Variants in ENTHD1 observed in about 807,000 individuals in gnomAD.
The protein encoded by ENTHD1 is ENTH domain containing 1.
Under a neutral mutation model 39.1 loss-of-function variants are expected in ENTHD1, and 23 were observed. That is an observed-to-expected ratio of 0.59 (90% CI 0.42 to 0.83). The LOEUF (loss-of-function observed/expected upper bound fraction) is 0.83. Ranked by LOEUF, ENTHD1 falls within the 40% of genes least tolerant of loss-of-function variation. The probability of loss-of-function intolerance (pLI) is 0.00; values close to 1 mark genes in which losing one functional copy is unlikely to be tolerated. For missense variants in ENTHD1, 624 were observed against 705.4 expected (o/e 0.88, Z 1.31); for synonymous variants, 230 against 258.2 (o/e 0.89, Z 1.05).
chr22:39,802,604 C>T (rs2065607686), intron 5 of ENTHD1, among the ~76,000 whole-genome samples: 1 of 152,140 alleles, frequency 6.6e-6, no homozygotes, highest in Non-Finnish European at 1.5e-5. Context: ...TTTCTATGAC[C>T]CACCTTGGGG....
intron 2 of ENTHD1, among the ~76,000 whole-genome samples, chr22:39,876,514 T>TA (rs137946): frequency 0.11 from 11,306 of 105,686 alleles, 625 homozygotes; most frequent in South Asian, 0.15. Flanking sequence ...ACGGGTCATC[T>TA]AAAAAAAAAA....
intron 5 of ENTHD1, among the ~76,000 whole-genome samples, chr22:39,814,272 A>T: frequency 6.7e-6 from 1 of 149,406 alleles, no homozygotes; most frequent in Non-Finnish European, 1.5e-5. Flanking sequence ...CAGCCTAGGC[A>T]ACATGGCAAA....
At chr22:39,784,612 A>T (rs1407169414) in intron 5 of ENTHD1, among the ~76,000 whole-genome samples, 1 of 151,418 alleles carries the variant, frequency 6.6e-6, no homozygotes, top group Non-Finnish European at 1.5e-5. Context: ...AAGAGAATGA[A>T]ATCTTGTCAT....
At chr22:39,821,836 C>T (rs534903507) in intron 4 of ENTHD1, among the ~76,000 whole-genome samples, 2 of 152,280 alleles carry the variant, frequency 1.3e-5, no homozygotes, top group Non-Finnish European at 2.9e-5. Context: ...TATAACCTCT[C>T]ATGGCAGAAG....
intron 2 of ENTHD1, among the ~76,000 whole-genome samples, chr22:39,864,755 G>A (rs1385337606): frequency 6.6e-6 from 1 of 152,120 alleles, no homozygotes. Flanking sequence ...AGCTGGGCAC[G>A]GTGGTGCACA....
intron 5 of ENTHD1, among the ~76,000 whole-genome samples, chr22:39,789,333 G>C (rs2065485476): frequency 6.6e-6 from 1 of 151,810 alleles, no homozygotes; most frequent in South Asian, 2.1e-4. Context: ...CAAATACACT[G>C]AAAAAAATTT....
intron 6 of ENTHD1, among the ~76,000 whole-genome samples, chr22:39,751,557 C>T (rs1420784195): frequency 6.6e-6 from 1 of 152,136 alleles, no homozygotes; most frequent in Non-Finnish European, 1.5e-5. Flanking sequence ...TGAACACATA[C>T]TTTGAATAAT....
chr22:39,836,945 A>C (rs978057838), intron 3 of ENTHD1, among the ~76,000 whole-genome samples: 4 of 152,118 alleles, frequency 2.6e-5, no homozygotes, highest in African/African-American at 9.7e-5. Context: ...CCATAAACCA[A>C]TTAAACCTCT....
At chr22:39,846,969 G>C (rs374021753) in intron 3 of ENTHD1, among the ~76,000 whole-genome samples, 1 of 151,556 alleles carries the variant, frequency 6.6e-6, no homozygotes, top group Non-Finnish European at 1.5e-5. Flanking sequence ...GTTCAACCAT[G>C]GTGGAAGTCA....
At chr22:39,829,749 C>A (rs779091178) in intron 4 of ENTHD1, among the ~76,000 whole-genome samples, 1 of 151,456 alleles carries the variant, frequency 6.6e-6, no homozygotes, top group Non-Finnish European at 1.5e-5. Context: ...CGAGATCATG[C>A]CAGTGCACTT....
At chr22:39,859,560 G>A (rs1489961283) in intron 3 of ENTHD1, among the ~76,000 whole-genome samples, 1 of 152,096 alleles carries the variant, frequency 6.6e-6, no homozygotes, top group African/African-American at 2.4e-5. Context: ...TGACCCTCAG[G>A]GACTAGGGAG....
chr22:39,866,989 G>A (rs2066187687), intron 2 of ENTHD1, among the ~76,000 whole-genome samples: 1 of 151,896 alleles, frequency 6.6e-6, no homozygotes, highest in South Asian at 2.1e-4. Flanking sequence ...CGCCAGCTCT[G>A]CCTCCTGGGT....
intron 6 of ENTHD1, among the ~76,000 whole-genome samples, chr22:39,763,888 G>A (rs1187270611): frequency 2.0e-5 from 3 of 152,018 alleles, no homozygotes; most frequent in South Asian, 2.1e-4. Flanking sequence ...ACTTCCCAGC[G>A]ACAGCCAGGC....
At chr22:39,890,637 T>A (rs1270827470) in intron 1 of ENTHD1, among the ~76,000 whole-genome samples, 1 of 152,238 alleles carries the variant, frequency 6.6e-6, no homozygotes, top group East Asian at 1.9e-4. Flanking sequence ...TTTTAAAAAC[T>A]GTTTTCTTAA....
intron 5 of ENTHD1, among the ~76,000 whole-genome samples, chr22:39,797,438 C>G (rs1179756340): frequency 2.6e-5 from 4 of 152,002 alleles, no homozygotes; most frequent in Admixed American, 6.6e-5. Flanking sequence ...ATTCTTTGTT[C>G]CTTTCTCTCA....
chr22:39,874,596 T>C (rs2066271420), intron 2 of ENTHD1: 1 of 152,134 alleles, frequency 6.6e-6, no homozygotes, highest in Admixed American at 6.5e-5. Context: ...GCTTGTAGGA[T>C]GGCAGAAAAT....
intron 2 of ENTHD1, among the ~76,000 whole-genome samples, chr22:39,864,496 ATAT>A (rs2066168919): frequency 6.6e-6 from 1 of 152,058 alleles, no homozygotes; most frequent in African/African-American, 2.4e-5. Flanking sequence ...TCATTACCTA[ATAT>A]TATATATTTA....
At chr22:39,810,181 C>G (rs1164159425) in intron 5 of ENTHD1, among the ~76,000 whole-genome samples, 4 of 152,132 alleles carry the variant, frequency 2.6e-5, no homozygotes, top group African/African-American at 9.7e-5. Context: ...TAAGCCTCCC[C>G]TAGAGGTACC....
intron 6 of ENTHD1, among the ~76,000 whole-genome samples, chr22:39,756,431 T>C (rs905520977): frequency 2.0e-5 from 3 of 151,788 alleles, no homozygotes; most frequent in Non-Finnish European, 4.4e-5. Flanking sequence ...GCCTCCCAGG[T>C]TCAAGTGATT....
Sources: gnomAD v4.1 joint callset for allele counts (sites outside exome capture counted in the v4.1 genomes callset) on GRCh38, gnomAD v4.1.1 for gene constraint, MANE v1.5 for transcripts, NCBI Gene and HGNC (gene_info 2026-07-23, HGNC 2026-07-21) for gene names.